Variants in CRY1 observed in about 807,000 individuals in gnomAD.
CRY1 encodes cryptochrome-1.
CRY1 carries 45 observed loss-of-function variants against 76.0 expected under a neutral mutation model. That is an observed-to-expected ratio of 0.59 (90% CI 0.47 to 0.76). The LOEUF (loss-of-function observed/expected upper bound fraction) is 0.76. Ranked by LOEUF, CRY1 falls within the 30% of genes least tolerant of loss-of-function variation. The pLI is 0.00. For synonymous variants in CRY1, 248 were observed against 244.0 expected (o/e 1.02, Z -0.15); for missense variants, 587 against 716.4 (o/e 0.82, Z 2.06).
At chr12:107,051,649 G>T (rs1174105040) in intron 1 of CRY1, among the ~76,000 whole-genome samples, 7 of 152,074 alleles carry the variant, frequency 4.6e-5, no homozygotes. Flanking sequence ...CTTTGATATG[G>T]GCCTTTTAAC....
At chr12:107,055,617 A>G (rs1402980767) in intron 1 of CRY1, among the ~76,000 whole-genome samples, 1 of 152,168 alleles carries the variant, frequency 6.6e-6, no homozygotes, top group East Asian at 1.9e-4. Context: ...TACCATAGTG[A>G]AGGCAAATAA....
intron 10 of CRY1, among the ~76,000 whole-genome samples, chr12:106,996,742 T>C (rs1241286524): frequency 1.3e-5 from 2 of 152,248 alleles, no homozygotes; most frequent in African/African-American, 4.8e-5. Context: ...ACTAATATGA[T>C]GGTTCAAATT....
chr12:107,000,559 A>T (rs1023934483), intron 5 of CRY1, among the ~76,000 whole-genome samples: 1 of 152,160 alleles, frequency 6.6e-6, no homozygotes, highest in African/African-American at 2.4e-5. Flanking sequence ...CATGTTGGCC[A>T]GGCTGGTCTC....
intron 1 of CRY1, among the ~76,000 whole-genome samples, chr12:107,060,846 C>T (rs543129161): frequency 7.9e-5 from 12 of 152,094 alleles, no homozygotes; most frequent in East Asian, 3.9e-4. Context: ...GGTGTGGTGG[C>T]GGGCACCTGT....
rs1369372446 is a variant in CRY1, at chr12:107,093,150, A to G, written c.-189T>C. ...CGGGGGCGCCGGAGGCGCAGTGGAA[A>G]GATGAATGGAGGTTGCCTAGTCGGC... On this transcript the variant is annotated 5_prime_UTR_variant, in exon 1 of 13. Transcript: ENST00000008527. 4.6e-6 allele frequency: 3 copies of G among 653,384 alleles called. No individual in the cohort carries two copies. The African/African-American group carries it at 5.6e-5, about 12-fold the overall frequency. 40.5% of individuals were successfully genotyped at this position (653,384 alleles called of 1,614,324 possible). A position where few individuals can be genotyped will look rare whatever the true frequency, so the allele number is the denominator to read the frequency against.
At chr12:107,044,411 T>C (rs1052742797) in intron 1 of CRY1, among the ~76,000 whole-genome samples, 3 of 152,210 alleles carry the variant, frequency 2.0e-5, no homozygotes, top group Non-Finnish European at 4.4e-5. Flanking sequence ...TTATTGCTGA[T>C]GTTCAATGCA....
intron 1 of CRY1, among the ~76,000 whole-genome samples, chr12:107,050,563 C>A (rs1322601409): frequency 2.6e-5 from 4 of 152,146 alleles, no homozygotes; most frequent in Admixed American, 2.6e-4. Flanking sequence ...CCTTCTGCCA[C>A]AATTGTAAGT....
intron 3 of CRY1, among the ~76,000 whole-genome samples, chr12:107,003,575 T>A (rs1325384336): frequency 6.6e-6 from 1 of 152,178 alleles, no homozygotes; most frequent in East Asian, 1.9e-4. Flanking sequence ...GCAATCACCA[T>A]AAAAGATATC....
chr12:107,070,348 G>A (rs1447098957), intron 1 of CRY1, among the ~76,000 whole-genome samples: 1 of 151,792 alleles, frequency 6.6e-6, no homozygotes, highest in Non-Finnish European at 1.5e-5. Flanking sequence ...GTGCTTGTGG[G>A]AAAAAAACAG....
intron 1 of CRY1, among the ~76,000 whole-genome samples, chr12:107,087,256 G>C: frequency 6.6e-6 from 1 of 151,106 alleles, no homozygotes; most frequent in East Asian, 2.0e-4. Flanking sequence ...CTCAGGATGT[G>C]GGAGGGAGTG....
At chr12:107,048,179 C>T (rs1332594234) in intron 1 of CRY1, among the ~76,000 whole-genome samples, 1 of 151,722 alleles carries the variant, frequency 6.6e-6, no homozygotes, top group African/African-American at 2.4e-5. Context: ...CCCCTGGGTT[C>T]AAGCAATTCT....
At chr12:107,078,416 T>C (rs1048809386) in intron 1 of CRY1, among the ~76,000 whole-genome samples, 3 of 152,148 alleles carry the variant, frequency 2.0e-5, no homozygotes, top group Admixed American at 6.5e-5. Context: ...TCTTGCCACA[T>C]TCAGTTTCCA....
At chr12:107,025,222 T>G (rs1339135108) in intron 1 of CRY1, among the ~76,000 whole-genome samples, 1 of 152,200 alleles carries the variant, frequency 6.6e-6, no homozygotes, top group African/African-American at 2.4e-5. Flanking sequence ...AAAAAAAGTT[T>G]AAAATTGATA....
At chr12:107,055,064 A>C (rs1413526253) in intron 1 of CRY1, among the ~76,000 whole-genome samples, 2 of 152,110 alleles carry the variant, frequency 1.3e-5, no homozygotes, top group African/African-American at 2.4e-5. Context: ...AAAACAAAGA[A>C]TATCCCGTCT....
intron 1 of CRY1, among the ~76,000 whole-genome samples, chr12:107,085,113 G>A (rs1211940224): frequency 1.3e-5 from 2 of 152,114 alleles, no homozygotes; most frequent in Admixed American, 6.5e-5. Context: ...ACCACAATGA[G>A]ATACCATTTC....
At chr12:106,997,815 T>G in intron 8 of CRY1, 100 bp downstream of exon 8, 2 of 1,533,846 alleles carry the variant, frequency 1.3e-6, no homozygotes, top group African/African-American at 1.4e-5. Flanking sequence ...TCATCTCTGC[T>G]GCCCATCATG....
chr12:107,009,364 C>T (rs1952412429), intron 2 of CRY1, among the ~76,000 whole-genome samples: 1 of 151,366 alleles, frequency 6.6e-6, no homozygotes, highest in Non-Finnish European at 1.5e-5. Flanking sequence ...CATGGTGAAA[C>T]CCCGTCTCCA....
intron 2 of CRY1, among the ~76,000 whole-genome samples, chr12:107,012,953 G>C (rs1952461334): frequency 6.6e-6 from 1 of 152,200 alleles, no homozygotes; most frequent in African/African-American, 2.4e-5. Flanking sequence ...AACTTGAATG[G>C]ATGAGGAGCC....
chr12:107,027,936 C>A (rs1172943882), intron 1 of CRY1, among the ~76,000 whole-genome samples: 1 of 152,112 alleles, frequency 6.6e-6, no homozygotes, highest in Non-Finnish European at 1.5e-5. Context: ...ATGTACCATG[C>A]CAGAATAAAG....
Sources: gnomAD v4.1 joint callset for allele counts (sites outside exome capture counted in the v4.1 genomes callset) on GRCh38, gnomAD v4.1.1 for gene constraint, MANE v1.5 for transcripts, NCBI Gene and HGNC (gene_info 2026-07-23, HGNC 2026-07-21) for gene names.